RARA: variants seen among roughly 807,000 people sequenced by gnomAD.
The protein encoded by RARA is retinoic acid receptor alpha, also known as PML-DDX5-RARA fusion.
Under a neutral mutation model 42.8 loss-of-function variants are expected in RARA, and 5 were observed. The observed-to-expected ratio is 0.12, with a 90% CI of 0.06 to 0.25. The LOEUF (loss-of-function observed/expected upper bound fraction) is 0.25, where lower values mean the gene tolerates loss of function less well. Ranked by LOEUF, RARA falls within the 10% of genes least tolerant of loss-of-function variation. RARA has a pLI of 1.00. For synonymous variants in RARA, 256 were observed against 259.5 expected (o/e 0.99, Z 0.13); for missense variants, 402 against 628.7 (o/e 0.64, Z 3.86).
chr17:40,338,787 A>C (rs943787299), intron 2 of RARA, among the ~76,000 whole-genome samples: 2 of 150,148 alleles, frequency 1.3e-5, no homozygotes, highest in Non-Finnish European at 3.0e-5. Context: ...AGGTGGGAGG[A>C]TTGCTTGAGC....
At chr17:40,321,266 G>A (rs374586110) in intron 1 of RARA, among the ~76,000 whole-genome samples, 1 of 152,086 alleles carries the variant, frequency 6.6e-6, no homozygotes. Flanking sequence ...AGTCTGGCTC[G>A]GGTGTGGGTG....
At position 40,355,626 on chromosome 17, in the gene RARA, A is replaced by G. The variant is rs8065000; in HGVS notation, c.1171+205A>G. On this transcript the variant is annotated intron_variant, in intron 8 of 8. Transcript: ENST00000254066. This position sits in a 1 kb window ranked among gnomAD's most constrained non-coding sequence, Gnocchi z 4.1. ...GTGGTAGTTCAGATCGTGGCTCTGG[A>G]ACCAGACACGTGGGTGTGTGTCCTT... 0.02 allele frequency among the ~76,000 whole-genome samples: 3,061 copies of G among 152,298 alleles called. 119 individuals carry two copies. Among genetic ancestry groups the G allele is most frequent in the African/African-American group, 0.069 (2,885 of 41,564 alleles).
intron 1 of RARA, among the ~76,000 whole-genome samples, chr17:40,323,923 A>C (rs2033465790): frequency 6.6e-6 from 1 of 151,846 alleles, no homozygotes; most frequent in Non-Finnish European, 1.5e-5. Flanking sequence ...TCCTGCTGGC[A>C]GTTTGCCCTG....
rs1240210247 is a variant in RARA at position 40,348,367 on chromosome 17, C to T, written c.230C>T (p.Ser77Leu). 3 of 1,612,812 alleles carry T rather than the reference C, an allele frequency of 1.9e-6. No individual in the cohort carries two copies. Among genetic ancestry groups the T allele is most frequent in the African/African-American group, 1.3e-5 (1 of 74,856 alleles). The change falls in exon 3 of 9, where the codon TCG becomes TTG. Residue 77 changes from serine (S) to leucine (L), a missense_variant. Ser to Leu is a moderately radical substitution (Grantham distance 145). Transcript: ENST00000254066. ...GAAGAGATAGTGCCCAGCCCTCCCT[C>T]GCCACCCCCTCTACCCCGCATCTAC... ...SSEEIVPSPP[S>L]PPPLPRIYKP...
rs373108110 is a variant in RARA at position 40,355,786 on chromosome 17, C to T, written c.1172-223C>T. On this transcript the variant is annotated intron_variant, in intron 8 of 8. Coordinates refer to ENST00000254066, the MANE Select transcript of RARA (RefSeq NM_000964.4). This position sits in a 1 kb window ranked among gnomAD's most constrained non-coding sequence, Gnocchi z 4.1. ...GAAGGGCTTGGCGTCTAGCCCAGGC[C>T]GGCAGTCTGGCCCTGGAGCCGGAGT... Among the ~76,000 whole-genome samples, 60 of 152,356 alleles carry T rather than the reference C, an allele frequency of 3.9e-4. No homozygotes were observed. The Middle Eastern group carries it at 0.01, about 26-fold the overall frequency.
At position 40,349,509 on chromosome 17, in the gene RARA, T is replaced by A. The variant is rs527309276; in HGVS notation, c.328-275T>A. On this transcript the variant is annotated intron_variant, in intron 3 of 8. Transcript: ENST00000254066. ...TTCTGACTCACCAGCAGCCCTGAGG[T>A]CTTTTCCCTGGAAGGGAGGAGTCAG... The A allele has an allele frequency of 2.3e-5, 9 of 387,588 alleles. No homozygotes were observed. The East Asian group carries it at 3.9e-4, about 17-fold the overall frequency. The allele number at this position is 387,588 out of a possible 1,614,324, so 24.0% of individuals were successfully genotyped here. A position where few individuals can be genotyped will look rare whatever the true frequency, so the allele number is the denominator to read the frequency against.
intron 2 of RARA, among the ~76,000 whole-genome samples, chr17:40,343,663 A>T (rs2034153560): frequency 6.6e-6 from 1 of 152,084 alleles, no homozygotes; most frequent in Non-Finnish European, 1.5e-5. Context: ...TCTGGAAATG[A>T]GGACTGCATC....
chr17:40,337,555 C>T (rs1000295628), intron 2 of RARA, among the ~76,000 whole-genome samples: 26 of 152,194 alleles, frequency 1.7e-4, no homozygotes, highest in Admixed American at 1.2e-3. Flanking sequence ...CAGAACTCAG[C>T]GGGCACCCTC....
At chr17:40,342,114 G>C in intron 2 of RARA, 1 of 1,048,366 alleles carries the variant, frequency 9.5e-7, no homozygotes, top group South Asian at 4.5e-5. Context: ...TGGAAAGGGG[G>C]TGGTGCCCGG....
rs773076606 is a variant in RARA at position 40,356,118 on chromosome 17, G to A, written c.1281G>A (p.Pro427=). The A allele has an allele frequency of 6.1e-6, 9 of 1,477,594 alleles. 1 individual carries two copies. Among genetic ancestry groups the A allele is most frequent in the South Asian group, 3.5e-5 (3 of 84,786 alleles). 91.5% of individuals were successfully genotyped at this position (1,477,594 alleles called of 1,614,324 possible). A position where few individuals can be genotyped will look rare whatever the true frequency, so the allele number is the denominator to read the frequency against. The change falls in exon 9 of 9, where the codon CCG becomes CCA. Residue 427 remains proline, a synonymous_variant. Transcript: ENST00000254066. ...SEGLDTLSGQ[P]GGGGRDGGGL... ...GCCTGGACACTCTGAGCGGACAGCC[G>A]GGGGGTGGGGGGCGGGACGGGGGTG...
intron 2 of RARA, chr17:40,341,530 G>C: frequency 6.8e-7 from 1 of 1,474,284 alleles, no homozygotes; most frequent in South Asian, 1.3e-5. Context: ...CGCGTCTCCG[G>C]GGGAGGTGGC....
At chr17:40,321,281 G>A (rs966251936) in intron 1 of RARA, among the ~76,000 whole-genome samples, 3 of 151,970 alleles carry the variant, frequency 2.0e-5, no homozygotes, top group African/African-American at 7.3e-5. Flanking sequence ...TGGGTGTCTC[G>A]GGTGTGGGTG....
intron 1 of RARA, among the ~76,000 whole-genome samples, chr17:40,323,560 T>C (rs1448073998): frequency 6.6e-6 from 1 of 151,828 alleles, no homozygotes; most frequent in Non-Finnish European, 1.5e-5. Context: ...CTGCACCCGC[T>C]TCTCCCTTGT....
rs1161601890 is a variant in RARA at position 40,320,236 on chromosome 17, C to G, written c.-362-10621C>G. ...GGCCACATCCTCCTTCCTATAGCCC[C>G]TAAATCTCTATCCCTTCAGTCTGAC... is the stretch of plus-strand genomic sequence containing the variant. On this transcript the variant is annotated intron_variant, in intron 1 of 8. Coordinates refer to ENST00000254066, the MANE Select transcript of RARA (RefSeq NM_000964.4). This position sits in a 1 kb window ranked among gnomAD's most constrained non-coding sequence, Gnocchi z 4.1. Among the ~76,000 whole-genome samples the G allele has an allele frequency of 1.3e-5, 2 of 152,126 alleles. No homozygotes were observed. The highest frequency in any genetic ancestry group is 1.5e-5 in the Non-Finnish European group (1 of 68,004).
At chr17:40,323,698 AC>A (rs1398618400) in intron 1 of RARA, among the ~76,000 whole-genome samples, 1 of 126,852 alleles carries the variant, frequency 7.9e-6, no homozygotes, top group African/African-American at 3.0e-5. Flanking sequence ...TCTAGCCCCA[AC>A]TGAGTAGGCG....
intron 1 of RARA, among the ~76,000 whole-genome samples, chr17:40,315,132 GTATATA>G (rs71356657): frequency 0.13 from 8,304 of 63,868 alleles, 534 homozygotes; most frequent in South Asian, 0.17. Context: ...GCTTATATGT[GTATATA>G]TATATATATA....
intron 1 of RARA, among the ~76,000 whole-genome samples, chr17:40,322,120 G>T (rs914840963): frequency 3.7e-4 from 57 of 152,062 alleles, no homozygotes; most frequent in Middle Eastern, 6.8e-3. Context: ...CTGGCTGGCC[G>T]CCCGGTTTGG....
rs1474670814 is a variant in RARA at position 40,326,649 on chromosome 17, TG to T, written c.-362-4206del. On this transcript the variant is annotated intron_variant, in intron 1 of 8. Transcript: ENST00000254066. The surrounding 1 kb of genome is among the most constrained non-coding windows in gnomAD (Gnocchi z 5.2). The stretch of plus-strand genomic sequence containing the variant: ...TGTGCTTAGGCTAGGCTCCATATAT[TG>T]GAGGTGTGGGCCTGTGGTTTTCTCT... 1 of 152,460 alleles carries T rather than the reference TG, an allele frequency of 6.6e-6. No homozygotes were observed. The highest frequency in any genetic ancestry group is 2.4e-5 in the African/African-American group (1 of 41,414). The allele number at this position is 152,460 out of a possible 1,614,324, so 9.4% of individuals were successfully genotyped here.
At chr17:40,337,680 G>A (rs1017071367) in intron 2 of RARA, among the ~76,000 whole-genome samples, 9 of 152,270 alleles carry the variant, frequency 5.9e-5, no homozygotes, top group Non-Finnish European at 8.8e-5. Context: ...CAGAGGAGCC[G>A]GGGATGGGAG....
Sources: allele counts gnomAD v4.1 joint callset (sites outside exome capture counted in the v4.1 genomes callset), GRCh38; gene constraint gnomAD v4.1.1; non-coding constraint Gnocchi (gnomAD v3.1); transcripts MANE v1.5; gene names NCBI Gene and HGNC (gene_info 2026-07-23, HGNC 2026-07-21).